Variants in BEAN1 observed in about 807,000 individuals in gnomAD.
BEAN1 encodes the protein brain expressed associated with NEDD4 1.
In BEAN1, 17 loss-of-function variants were observed where a neutral mutation model predicts 17.7. That is an observed-to-expected ratio of 0.96 (90% CI 0.66 to 1.44). BEAN1 has a LOEUF of 1.44. Among genes scored for constraint, BEAN1 ranks in the 40% most tolerant of loss-of-function variants. The probability of loss-of-function intolerance (pLI) is 0.00; values close to 1 mark genes in which losing one functional copy is unlikely to be tolerated. For missense variants in BEAN1, 359 were observed against 374.1 expected (o/e 0.96, Z 0.33); for synonymous variants, 142 against 151.8 (o/e 0.94, Z 0.47).
chr16:66,462,442 A>G (rs1963120073), intron 2 of BEAN1, among the ~76,000 whole-genome samples: 1 of 152,202 alleles, frequency 6.6e-6, no homozygotes, highest in Non-Finnish European at 1.5e-5. Flanking sequence ...TCACCCAACA[A>G]ATATTTAATG....
At chr16:66,490,388 C>T (rs528670583) in intron 4 of BEAN1, among the ~76,000 whole-genome samples, 5 of 27,312 alleles carry the variant, frequency 1.8e-4, no homozygotes, top group Non-Finnish European at 6.7e-4. Context: ...CAAAACAAGA[C>T]TCTGTTTCAA....
intron 3 of BEAN1, among the ~76,000 whole-genome samples, chr16:66,474,618 A>AAGGGAGGGAGGGAGGGAGGGAGGG (rs1195980397): frequency 1.7e-4 from 1 of 5,806 alleles, no homozygotes; most frequent in Non-Finnish European, 3.3e-4. Flanking sequence ...GGGAGGGAGG[A>AAGGGAGGGAGGGAGGGAGGGAGGG]AGGGAGGGAG....
At position 66,481,424 on chromosome 16, in the gene BEAN1, G is replaced by A; in HGVS notation, c.*499G>A. Reference sequence around the variant, plus strand: ...TACCCCAGGGCCAGCTTGTCCTCCTGGGAGGCGGGACAGGCCCCAGTGAGG... The same window carrying A: ...TACCCCAGGGCCAGCTTGTCCTCCTAGGAGGCGGGACAGGCCCCAGTGAGG... On this transcript the variant is annotated 3_prime_UTR_variant, in exon 5 of 5. Coordinates refer to ENST00000536005, the MANE Select transcript of BEAN1 (RefSeq NM_001178020.3). This position sits in a 1 kb window ranked among gnomAD's most constrained non-coding sequence, Gnocchi z 4.1. 2.5e-6 allele frequency: 1 copy of A among 395,842 alleles called. No individual in the cohort carries two copies. Among genetic ancestry groups the A allele is most frequent in the Non-Finnish European group, 4.4e-6 (1 of 224,918 alleles). 24.5% of individuals were successfully genotyped at this position (395,842 alleles called of 1,614,324 possible). A position where few individuals can be genotyped will look rare whatever the true frequency, so the allele number is the denominator to read the frequency against.
chr16:66,430,770 G>GCCCA (rs1961766255), intron 1 of BEAN1, among the ~76,000 whole-genome samples: 1 of 152,070 alleles, frequency 6.6e-6, no homozygotes, highest in African/African-American at 2.4e-5. Flanking sequence ...TCTATTGTAT[G>GCCCA]CCCACGTCAA....
chr16:66,437,365 A>ACCC (rs1962068285), intron 1 of BEAN1, among the ~76,000 whole-genome samples: 1 of 149,316 alleles, frequency 6.7e-6, no homozygotes, highest in African/African-American at 2.5e-5. Flanking sequence ...CCTCCCCACC[A>ACCC]CCCCCCACCA....
chr16:66,457,904 A>G (rs1962934020), intron 2 of BEAN1, among the ~76,000 whole-genome samples: 1 of 151,550 alleles, frequency 6.6e-6, no homozygotes, highest in Non-Finnish European at 1.5e-5. Flanking sequence ...GGATCAGCCA[A>G]TGGTGAACAG....
chr16:66,477,796 C>T, intron 4 of BEAN1, 86 bp downstream of exon 4: 1 of 1,358,698 alleles, frequency 7.4e-7, no homozygotes, highest in Non-Finnish European at 9.7e-7. Flanking sequence ...GAAAGAGTGG[C>T]ACCTCTGCAT....
At chr16:66,482,895 C>G, downstream of BEAN1, 1 of 456,108 alleles carries the variant, frequency 2.2e-6, no homozygotes. Flanking sequence ...CTCACTCAGT[C>G]GCCTACGCTG....
rs905118926 is a variant in BEAN1 at position 66,482,668 on chromosome 16, G to GA, written c.*1750dup. 7 of 363,712 alleles carry GA rather than the reference G, an allele frequency of 1.9e-5. No individual in the cohort carries two copies. The highest frequency in any genetic ancestry group is 6.4e-5 in the African/African-American group (3 of 46,912). 22.5% of individuals were successfully genotyped at this position (363,712 alleles called of 1,614,324 possible). A position where few individuals can be genotyped will look rare whatever the true frequency, so the allele number is the denominator to read the frequency against. On this transcript the variant is annotated 3_prime_UTR_variant, in exon 5 of 5. Coordinates refer to ENST00000536005, the MANE Select transcript of BEAN1 (RefSeq NM_001178020.3). ...TCTGCAATTCCAGAGAGTGCTGGGG[G>GA]AAAAAAAGGGATAAAAATTCCTACC... is the stretch of plus-strand genomic sequence containing the variant.
intron 2 of BEAN1, among the ~76,000 whole-genome samples, chr16:66,451,546 G>A (rs1001548861): frequency 6.6e-6 from 1 of 152,206 alleles, no homozygotes; most frequent in African/African-American, 2.4e-5. Context: ...TCCACTTCAA[G>A]CTTTACTCTT....
At chr16:66,485,510 T>C (rs891946943), downstream of BEAN1, 11 of 235,956 alleles carry the variant, frequency 4.7e-5, no homozygotes, top group African/African-American at 1.1e-4. Flanking sequence ...TCACCCCACA[T>C]TGCACGTCCT....
Position 66,437,689 on chromosome 16 carries a change from C to A in BEAN1, c.13C>A (p.Arg5Ser), listed in dbSNP as rs963111349. The change falls in exon 2 of 5, where the codon CGT becomes AGT. Residue 5 changes from arginine (R) to serine (S), a missense_variant. By Grantham distance (110) the Arg-to-Ser change is moderately radical. Transcript: ENST00000536005. MSFK[R>S]PCPLARYNRT... ...CTCCAAGGATTACATGTCCTTCAAA[C>A]GTCCCTGCCCCTGTAAGTTTCCTCC... 8 of 1,535,860 alleles carry A rather than the reference C, an allele frequency of 5.2e-6. No homozygotes were observed. In the African/African-American group the frequency reaches 1.1e-4, roughly 21 times the overall value.
intron 1 of BEAN1, among the ~76,000 whole-genome samples, chr16:66,436,350 C>T (rs1269119918): frequency 2.0e-5 from 3 of 148,814 alleles, no homozygotes. Context: ...TCACTGCAAG[C>T]TCCGCCTCCC....
At chr16:66,458,601 C>A (rs948700285) in intron 2 of BEAN1, among the ~76,000 whole-genome samples, 24 of 147,348 alleles carry the variant, frequency 1.6e-4, no homozygotes, top group Admixed American at 1.4e-3. Context: ...CAAAATCCTG[C>A]TCTCTCCTTC....
At chr16:66,478,308 A>G (rs1292357026) in intron 4 of BEAN1, among the ~76,000 whole-genome samples, 3 of 152,174 alleles carry the variant, frequency 2.0e-5, no homozygotes, top group Non-Finnish European at 4.4e-5. Flanking sequence ...TGTCCATGTA[A>G]TAATACCTGC....
At chr16:66,490,407 AAT>A (rs1308369917) in intron 4 of BEAN1, among the ~76,000 whole-genome samples, 1 of 108,410 alleles carries the variant, frequency 9.2e-6, no homozygotes, top group Admixed American at 9.5e-5. Context: ...AATAAAATAA[AAT>A]AAAATAAAAT....
chr16:66,436,992 G>T (rs964473379), intron 1 of BEAN1, among the ~76,000 whole-genome samples: 2 of 152,178 alleles, frequency 1.3e-5, no homozygotes, highest in Non-Finnish European at 2.9e-5. Context: ...TCAAGTCTCA[G>T]CCAGTAGTTA....
chr16:66,437,570 C>T, intron 1 of BEAN1, 25 bp from the exon 2 acceptor site: 3 of 1,361,994 alleles, frequency 2.2e-6, no homozygotes, highest in South Asian at 2.7e-5. Context: ...GGCCCCCCAA[C>T]ACCTGCCTGT....
At chr16:66,476,961 G>A (rs1963773126) in intron 3 of BEAN1, among the ~76,000 whole-genome samples, 1 of 152,042 alleles carries the variant, frequency 6.6e-6, no homozygotes, top group East Asian at 1.9e-4. Flanking sequence ...TACCTAAAGG[G>A]CAGTGAGTGT....
Sources: gnomAD v4.1 joint callset for allele counts (sites outside exome capture counted in the v4.1 genomes callset) on GRCh38, gnomAD v4.1.1 for gene constraint, Gnocchi (gnomAD v3.1) non-coding constraint, MANE v1.5 for transcripts, NCBI Gene and HGNC (gene_info 2026-07-23, HGNC 2026-07-21) for gene names.